The following CEACAM5 variants were observed in gnomAD, a reference collection of about 807,000 sequenced individuals.
The protein encoded by CEACAM5 is cell adhesion molecule CEACAM5.
Under a neutral mutation model 63.0 loss-of-function variants are expected in CEACAM5, and 52 were observed. That is an observed-to-expected ratio of 0.83 (90% CI 0.66 to 1.04). The LOEUF is 1.04. CEACAM5 is among the 50% of genes least tolerant of loss of function. The pLI is 0.00. For synonymous variants in CEACAM5, 357 were observed against 351.3 expected (o/e 1.02, Z -0.18); for missense variants, 790 against 864.8 (o/e 0.91, Z 1.08).
chr19:41,715,416 G>A (rs111902504), intron 3 of CEACAM5, 167 bp downstream of exon 3: 5 of 1,212,984 alleles, frequency 4.1e-6, no homozygotes, highest in Non-Finnish European at 6.0e-6. Flanking sequence ...ACCAAGTCTT[G>A]ACCAAGAATA....
rs1328882467 is a variant in CEACAM5, at chr19:41,715,265, C to T, written c.703+16C>T. On this transcript the variant is annotated intron_variant, in intron 3 of 9. Transcript: ENST00000221992. ...AATGTCCTCTGTGAGTATATCTGCT[C>T]CTCTCTGGCCCAGGCTGCCAGCCCA... 9 of 1,614,080 alleles carry T rather than the reference C, an allele frequency of 5.6e-6. No individual in the cohort carries two copies. Among genetic ancestry groups the T allele is most frequent in the Admixed American group, 1.7e-5 (1 of 60,006 alleles).
chr19:41,714,901 C>T, intron 2 of CEACAM5, 70 bp from the exon 3 acceptor site: 1 of 1,604,774 alleles, frequency 6.2e-7, no homozygotes, highest in Non-Finnish European at 8.5e-7. Flanking sequence ...GGTGCCAACT[C>T]TGATTGAAAG....
intron 8 of CEACAM5, among the ~76,000 whole-genome samples, chr19:41,722,598 C>G (rs1555816436): frequency 6.6e-6 from 1 of 151,944 alleles, no homozygotes; most frequent in Non-Finnish European, 1.5e-5. Context: ...AATAGTTGTC[C>G]TTTTGTGTCT....
At chr19:41,710,499 T>A (rs942182656) in intron 2 of CEACAM5, among the ~76,000 whole-genome samples, 1 of 152,134 alleles carries the variant, frequency 6.6e-6, no homozygotes, top group Non-Finnish European at 1.5e-5. Flanking sequence ...AGCAAGGACT[T>A]AGCAGCTGTC....
At chr19:41,714,694 C>G (rs966796728) in intron 2 of CEACAM5, among the ~76,000 whole-genome samples, 1 of 151,632 alleles carries the variant, frequency 6.6e-6, no homozygotes, top group African/African-American at 2.4e-5. Context: ...GCACCAGGAG[C>G]TGTGACCTCC....
intron 2 of CEACAM5, 125 bp from the exon 3 acceptor site, chr19:41,714,846 A>G: frequency 6.6e-7 from 1 of 1,523,898 alleles, no homozygotes; most frequent in Non-Finnish European, 8.9e-7. Flanking sequence ...TGACACATGC[A>G]CCCACCGTGG....
chr19:41,721,294 C>A, intron 8 of CEACAM5, 118 bp downstream of exon 8: 1 of 1,168,672 alleles, frequency 8.6e-7, no homozygotes, highest in Middle Eastern at 2.5e-4. Context: ...ACAAGGAAAT[C>A]CCAAATTCTA....
At chr19:41,710,718 C>T (rs1001088272) in intron 2 of CEACAM5, among the ~76,000 whole-genome samples, 5 of 152,138 alleles carry the variant, frequency 3.3e-5, no homozygotes, top group Admixed American at 6.5e-5. Context: ...AGCTCAGTGT[C>T]CCCAGGAAGA....
chr19:41,720,527 G>A, intron 7 of CEACAM5, among the ~76,000 whole-genome samples: 1 of 118,768 alleles, frequency 8.4e-6, no homozygotes, highest in South Asian at 2.7e-4. Context: ...TTTTTTTTGA[G>A]ACGGAGTCTC....
chr19:41,716,058 T>A (rs2072522462), intron 4 of CEACAM5, among the ~76,000 whole-genome samples, 154 bp downstream of exon 4: 1 of 152,206 alleles, frequency 6.6e-6, no homozygotes, highest in Non-Finnish European at 1.5e-5. Context: ...AATATGTCTC[T>A]ACAGACTCTT....
At chr19:41,714,434 T>C (rs2122785014) in intron 2 of CEACAM5, among the ~76,000 whole-genome samples, 1 of 152,278 alleles carries the variant, frequency 6.6e-6, no homozygotes. Flanking sequence ...GCCTCTGGTG[T>C]CCCCTGTGTT....
chr19:41,714,426 C>A (rs1256720013), intron 2 of CEACAM5, among the ~76,000 whole-genome samples: 2 of 152,210 alleles, frequency 1.3e-5, no homozygotes, highest in African/African-American at 4.8e-5. Flanking sequence ...CCAGGCTTGC[C>A]TCTGGTGTCC....
chr19:41,721,235 A>C (rs1210296953), intron 8 of CEACAM5, 59 bp downstream of exon 8: 2 of 1,575,198 alleles, frequency 1.3e-6, no homozygotes, highest in African/African-American at 2.7e-5. Context: ...TCTGGTTCTC[A>C]CCAAAGAGCC....
chr19:41,712,635 A>G (rs1478976015), intron 2 of CEACAM5, among the ~76,000 whole-genome samples: 1 of 152,194 alleles, frequency 6.6e-6, no homozygotes, highest in Admixed American at 6.5e-5. Flanking sequence ...CAGGTCTCAC[A>G]TCCCTCTCTC....
chr19:41,718,214 A>C lies in CEACAM5; in HGVS notation c.1324A>C (p.Asn442His). 1 of 1,614,174 alleles carries C rather than the reference A, an allele frequency of 6.2e-7. No individual in the cohort carries two copies. The highest frequency in any genetic ancestry group is 8.5e-7 in the Non-Finnish European group (1 of 1,180,010). The change falls in exon 6 of 10, where the codon AAC becomes CAC. Residue 442 changes from asparagine to histidine, a missense_variant. Transcript: ENST00000221992. ...CAGCCTCTCCTGCCATGCAGCCTCT[A>C]ACCCACCTGCACAGTATTCTTGGCT... The part of the protein sequence containing the change: ...NLSLSCHAAS[N>H]PPAQYSWLID...
intron 1 of CEACAM5, among the ~76,000 whole-genome samples, chr19:41,709,377 A>C (rs1465486231): frequency 3.9e-5 from 6 of 152,204 alleles, no homozygotes; most frequent in Non-Finnish European, 8.8e-5. Flanking sequence ...AGGAGGTGTC[A>C]GGGAAGGGAT....
At chr19:41,713,819 C>A (rs782435756) in intron 2 of CEACAM5, among the ~76,000 whole-genome samples, 6 of 152,224 alleles carry the variant, frequency 3.9e-5, no homozygotes, top group Non-Finnish European at 8.8e-5. Flanking sequence ...CATGCTCCCC[C>A]TTTTCCACCA....
chr19:41,712,402 T>C (rs1482453216), intron 2 of CEACAM5, among the ~76,000 whole-genome samples: 2 of 152,240 alleles, frequency 1.3e-5, no homozygotes, highest in Non-Finnish European at 1.5e-5. Context: ...ACTTAAACTC[T>C]AGTTGTGTTT....
intron 1 of CEACAM5, 148 bp downstream of exon 1, chr19:41,708,943 T>C: frequency 1.7e-6 from 1 of 592,056 alleles, no homozygotes; most frequent in Admixed American, 3.2e-5. Flanking sequence ...ACCAGAAAAA[T>C]CAAATTGAAC....
Sources: gnomAD v4.1 joint callset for allele counts (sites outside exome capture counted in the v4.1 genomes callset) on GRCh38, gnomAD v4.1.1 for gene constraint, MANE v1.5 for transcripts, NCBI Gene and HGNC (gene_info 2026-07-23, HGNC 2026-07-21) for gene names.